PLCB1: variants seen among roughly 807,000 people sequenced by gnomAD.
PLCB1 encodes 1-phosphatidylinositol 4,5-bisphosphate phosphodiesterase beta-1.
Under a neutral mutation model 161.8 loss-of-function variants are expected in PLCB1, and 46 were observed. The observed-to-expected ratio is 0.28, with a 90% confidence interval of 0.22 to 0.36. The LOEUF is 0.36. Ranked by LOEUF, PLCB1 falls within the 10% of genes least tolerant of loss-of-function variation. The pLI is 1.00. For synonymous variants in PLCB1, 517 were observed against 503.7 expected, an observed-to-expected ratio of 1.03 and a Z score of -0.35; for missense variants, 1,016 against 1,472.5, an observed-to-expected ratio of 0.69 and a Z score of 5.07.
At chr20:8,431,490 CA>C (rs1980040772) in intron 3 of PLCB1, among the ~76,000 whole-genome samples, 1 of 152,042 alleles carries the variant, frequency 6.6e-6, no homozygotes, top group African/African-American at 2.4e-5. Context: ...TTTTAAATAC[CA>C]AAAATTGTTT....
chr20:8,420,879 A>G lies in PLCB1; in HGVS notation c.246+49429A>G, dbSNP rs796607926. ...TCCAAATCAGAAGAGAAAATTTGCC[A>G]TCTTCATTCAGAATTTCTTAATCTT... On this transcript the variant is annotated intron_variant, in intron 3 of 31. Transcript: ENST00000338037. Among the ~76,000 whole-genome samples the G allele has an allele frequency of 1.9e-4, 29 of 152,302 alleles. 1 individual carries two copies. The highest frequency in any genetic ancestry group is 7.0e-4 in the African/African-American group (29 of 41,576).
intron 3 of PLCB1, among the ~76,000 whole-genome samples, chr20:8,438,702 A>G (rs905498720): frequency 3.9e-5 from 6 of 152,174 alleles, no homozygotes; most frequent in African/African-American, 1.4e-4. Context: ...TTGCTGAATG[A>G]CATGCCTCTT....
At chr20:8,803,091 C>G (rs1245491653) in intron 31 of PLCB1, among the ~76,000 whole-genome samples, 7 of 152,152 alleles carry the variant, frequency 4.6e-5, no homozygotes, top group African/African-American at 1.4e-4. Flanking sequence ...GAAAATAACT[C>G]TTTACTGAGA....
At chr20:8,238,683 A>T (rs1980447535) in intron 2 of PLCB1, among the ~76,000 whole-genome samples, 1 of 152,026 alleles carries the variant, frequency 6.6e-6, no homozygotes, top group South Asian at 2.1e-4. Flanking sequence ...TAAAAAAAAG[A>T]TGAAATAAGA....
intron 31 of PLCB1, among the ~76,000 whole-genome samples, chr20:8,870,395 A>T (rs1765741212): frequency 6.6e-6 from 1 of 152,182 alleles, no homozygotes; most frequent in South Asian, 2.1e-4. Flanking sequence ...TAATCTCTAG[A>T]CACCTGTGAG....
At chr20:8,744,466 G>A (rs74724646) in intron 23 of PLCB1, among the ~76,000 whole-genome samples, 5,842 of 151,848 alleles carry the variant, frequency 0.038, 157 homozygotes, top group Non-Finnish European at 0.06. Context: ...CAAATAGCTG[G>A]GTGTGCTGAC....
intron 10 of PLCB1, among the ~76,000 whole-genome samples, chr20:8,687,111 G>A (rs1222762525): frequency 2.6e-5 from 4 of 151,562 alleles, no homozygotes; most frequent in Admixed American, 6.6e-5. Context: ...CTGTAGTCCC[G>A]ATCTCCTGGG....
At chr20:8,145,517 A>G (rs1021142937) in intron 1 of PLCB1, among the ~76,000 whole-genome samples, 1 of 152,224 alleles carries the variant, frequency 6.6e-6, no homozygotes, top group Admixed American at 6.5e-5. Flanking sequence ...CTAGTTAGAT[A>G]TTGAAGAACT....
intron 3 of PLCB1, among the ~76,000 whole-genome samples, chr20:8,608,375 A>T (rs1361154961): frequency 6.6e-6 from 1 of 152,176 alleles, no homozygotes; most frequent in East Asian, 1.9e-4. Context: ...TTGATAAACA[A>T]AATTACTCTC....
intron 2 of PLCB1, among the ~76,000 whole-genome samples, chr20:8,292,957 A>G (rs1224741801): frequency 6.6e-6 from 1 of 152,172 alleles, no homozygotes; most frequent in Non-Finnish European, 1.5e-5. Context: ...GTGGGTGAAT[A>G]CACTATCAGT....
intron 2 of PLCB1, among the ~76,000 whole-genome samples, chr20:8,192,346 A>T (rs1414494404): frequency 1.3e-5 from 2 of 151,944 alleles, no homozygotes; most frequent in African/African-American, 4.8e-5. Flanking sequence ...AAAAAATCGT[A>T]TTCACTAGGT....
intron 2 of PLCB1, among the ~76,000 whole-genome samples, chr20:8,335,483 T>G (rs926039813): frequency 6.6e-6 from 1 of 152,248 alleles, no homozygotes; most frequent in Admixed American, 6.5e-5. Flanking sequence ...ATGTTTTGTG[T>G]TGTTATATGA....
chr20:8,831,970 CTTT>C lies in PLCB1; in HGVS notation c.3423+41710_3423+41712del, dbSNP rs1568617122. Among the ~76,000 whole-genome samples, 110 of 87,286 alleles carry C rather than the reference CTTT, an allele frequency of 1.3e-3. 18 individuals are homozygous for C. The highest frequency in any genetic ancestry group is 2.0e-3 in the African/African-American group (54 of 27,470). 57.3% of individuals were successfully genotyped at this position (87,286 alleles called of 152,430 possible). On this transcript the variant is annotated intron_variant, in intron 31 of 31. Transcript: ENST00000338037. ...TCTTTCTTTCTTTCTTTCTTTCTTT[CTTT>C]CTTTCTTTCCTTCTTTCTTTCTGTG... is the stretch of plus-strand genomic sequence containing the variant.
intron 3 of PLCB1, among the ~76,000 whole-genome samples, chr20:8,401,887 G>A (rs913186298): frequency 1.3e-5 from 2 of 152,220 alleles, no homozygotes; most frequent in African/African-American, 4.8e-5. Context: ...AGGAGAACCA[G>A]TGATTAGTGA....
In PLCB1 at chr20:8,401,364, A is replaced by G. The variant is rs555611747; in HGVS notation, c.246+29914A>G. On this transcript the variant is annotated intron_variant, in intron 3 of 31. Coordinates refer to ENST00000338037, the MANE Select transcript of PLCB1 (RefSeq NM_015192.4). ...TAGTCAAATTTATTAGTCCCTTTTT[A>G]AAAACTGTACTTCCAAACAGAGCAC... Among the ~76,000 whole-genome samples the G allele has an allele frequency of 3.4e-4, 52 of 152,172 alleles. 1 individual carries two copies. The highest frequency in any genetic ancestry group is 6.9e-4 in the Non-Finnish European group (47 of 68,016).
intron 31 of PLCB1, among the ~76,000 whole-genome samples, chr20:8,866,039 G>A (rs765341466): frequency 7.9e-5 from 12 of 152,158 alleles, no homozygotes; most frequent in South Asian, 2.1e-4. Context: ...AGACCTCTTC[G>A]AGAAATGGAT....
At chr20:8,750,513 T>G (rs1981402140) in intron 23 of PLCB1, among the ~76,000 whole-genome samples, 1 of 152,228 alleles carries the variant, frequency 6.6e-6, no homozygotes, top group African/African-American at 2.4e-5. Flanking sequence ...TGATCACATA[T>G]AAATCCCTCT....
At chr20:8,861,723 T>C (rs866503146) in intron 31 of PLCB1, among the ~76,000 whole-genome samples, 203 of 86,770 alleles carry the variant, frequency 2.3e-3, no homozygotes, top group African/African-American at 0.01. Context: ...AGTGAGACTC[T>C]ACCTCAAAAA....
At chr20:8,236,605 G>C (rs970241329) in intron 2 of PLCB1, among the ~76,000 whole-genome samples, 6 of 151,946 alleles carry the variant, frequency 3.9e-5, no homozygotes, top group Admixed American at 1.3e-4. Flanking sequence ...TATTCAATGA[G>C]AGGCAGAAAC....
Sources: allele counts gnomAD v4.1 joint callset (sites outside exome capture counted in the v4.1 genomes callset), GRCh38; gene constraint gnomAD v4.1.1; transcripts MANE v1.5; gene names NCBI Gene and HGNC (gene_info 2026-07-23, HGNC 2026-07-21).